SELENOV: variants seen among roughly 807,000 people sequenced by gnomAD.
SELENOV encodes the protein selenoprotein V.
Under a neutral mutation model 21.6 loss-of-function variants are expected in SELENOV, and 25 were observed. The ratio of observed to expected loss-of-function variants is 1.16; its 90% CI spans 0.84 to 1.62. The LOEUF (loss-of-function observed/expected upper bound fraction) is 1.62. SELENOV is among the 40% of genes most tolerant of loss of function. The probability of loss-of-function intolerance (pLI) is 0.00; values close to 1 mark genes in which losing one functional copy is unlikely to be tolerated. For missense variants in SELENOV, 472 were observed against 459.0 expected (o/e 1.03, Z -0.26); for synonymous variants, 227 against 216.9 (o/e 1.05, Z -0.41).
At position 39,515,928 on chromosome 19, in the gene SELENOV, C is replaced by A. The variant is rs1237642453; in HGVS notation, c.716C>A (p.Ser239Ter). 3 of 1,605,174 alleles carry A rather than the reference C, an allele frequency of 1.9e-6. No individual in the cohort carries two copies. Among genetic ancestry groups the A allele is most frequent in the Middle Eastern group, 3.3e-4 (2 of 6,050 alleles). Reference sequence around the variant, plus strand: ...TCGCCCATCCTGGGGACCATCCCGTCGGCCATCTCCTTACAGAATTGTACG... The same window carrying A: ...TCGCCCATCCTGGGGACCATCCCGTAGGCCATCTCCTTACAGAATTGTACG... The change falls in exon 1 of 6, where the codon TCG becomes TAG. Residue 239 changes from serine to a stop codon, truncating the protein, a stop_gained. Coordinates refer to ENST00000335426, the Ensembl canonical transcript of SELENOV. LOFTEE classifies it high-confidence loss of function. The surrounding 1 kb of genome is among the most constrained non-coding windows in gnomAD (Gnocchi z 5.1).
In SELENOV at chr19:39,515,339, A is replaced by T; in HGVS notation, c.127A>T (p.Ile43Phe). The change falls in exon 1 of 6, where the codon ATC becomes TTC. Residue 43 changes from isoleucine (I) to phenylalanine (F), a missense_variant. Coordinates refer to ENST00000335426, the Ensembl canonical transcript of SELENOV. The surrounding 1 kb of genome is among the most constrained non-coding windows in gnomAD (Gnocchi z 5.1). ...GACTCCGGTCCGGACTCGGACCCCC[A>T]TCCGGACCCTGACTCCAGTCCTGAC... 1 of 1,550,654 alleles carries T rather than the reference A, an allele frequency of 6.4e-7. No individual in the cohort carries two copies.
chr19:39,515,595 C>A lies in SELENOV; in HGVS notation c.383C>A (p.Ala128Asp). 1 of 1,548,986 alleles carries A rather than the reference C, an allele frequency of 6.5e-7. No individual in the cohort carries two copies. Among genetic ancestry groups the A allele is most frequent in the East Asian group, 2.4e-5 (1 of 40,916 alleles). The change falls in exon 1 of 6, where the codon GCC becomes GAC. Residue 128 changes from alanine to aspartate, a missense_variant. Physicochemically the swap from Ala to Asp is moderately radical, Grantham distance 126. Transcript: ENST00000335426. The surrounding 1 kb of genome is among the most constrained non-coding windows in gnomAD (Gnocchi z 5.1). ...GTCCGGGTCCCAGCCCCAGCCCCAGCCCAGCTCCTGGCAGGGATTCGGGCC... is the reference window on the plus strand; with the variant it reads ...GTCCGGGTCCCAGCCCCAGCCCCAGACCAGCTCCTGGCAGGGATTCGGGCC...
chr19:39,517,817 A>C (rs921996992), intron 1 of SELENOV, among the ~76,000 whole-genome samples: 1 of 151,622 alleles, frequency 6.6e-6, no homozygotes, highest in African/African-American at 2.4e-5. Flanking sequence ...TTCAAAAATT[A>C]GCTGGGTGTG....
Position 39,515,902 on chromosome 19 carries a change from C to T in SELENOV, c.690C>T (p.Pro230=), listed in dbSNP as rs776602319. 1.3e-6 allele frequency: 2 copies of T among 1,587,628 alleles called. No homozygotes were observed. Among genetic ancestry groups the T allele is most frequent in the South Asian group, 2.3e-5 (2 of 86,836 alleles). ...ATCCCCCCATTCCCAGTCCTGTCCC[C>T]TCGCCCATCCTGGGGACCATCCCGT... Residue 230 remains proline, a synonymous_variant, in exon 1 of 6, where the codon CCC becomes CCT. Coordinates refer to ENST00000335426, the Ensembl canonical transcript of SELENOV. This position sits in a 1 kb window ranked among gnomAD's most constrained non-coding sequence, Gnocchi z 5.1.
chr19:39,518,056 A>AGG (rs1357781739), intron 1 of SELENOV, among the ~76,000 whole-genome samples: 1 of 143,986 alleles, frequency 6.9e-6, no homozygotes, highest in Non-Finnish European at 1.5e-5. Flanking sequence ...GTGGATCACG[A>AGG]GGTCAGGAAA....
chr19:39,518,767 C>T lies in SELENOV; in HGVS notation c.862C>T (p.Gln288Ter), dbSNP rs377315968. The change falls in exon 3 of 6, where the codon CAG becomes TAG. Residue 288 changes from glutamine to a stop codon, truncating the protein, a stop_gained. Coordinates refer to ENST00000335426, the Ensembl canonical transcript of SELENOV. LOFTEE classifies it high-confidence loss of function. ...CATTCTACTGAAAAAGAGCCTGGAG[C>T]AGCAATTTCCGAATCACCTACTCTT... is the stretch of plus-strand genomic sequence containing the variant. 295 of 1,613,878 alleles carry T rather than the reference C, an allele frequency of 1.8e-4. 3 individuals carry two copies. In the East Asian group the frequency reaches 5.7e-3, roughly 31 times the overall value.
exon 2 of SELENOV, chr19:39,518,608 T>C (rs781066320): frequency 6.2e-7 from 1 of 1,602,544 alleles, no homozygotes; most frequent in Non-Finnish European, 8.5e-7. Context: ...TGGCCTCCAG[T>C]GGCCTCTGAA....
intron 1 of SELENOV, 78 bp from the exon 2 acceptor site, chr19:39,518,530 C>T: frequency 1.4e-6 from 2 of 1,431,880 alleles, no homozygotes; most frequent in Non-Finnish European, 9.6e-7. Flanking sequence ...CATAGGGTGC[C>T]CTGAGCTGGG....
chr19:39,515,672 C>A lies in SELENOV; in HGVS notation c.460C>A (p.Pro154Thr). ...GGCCCCGGCCCTACCTTTGGATCCG[C>A]CCCCGGAACCTGCTCCGGAGCTGCC... The change falls in exon 1 of 6, where the codon CCC (proline) becomes ACC (threonine). Residue 154 changes from proline (P) to threonine (T), a missense_variant. Transcript: ENST00000335426. This position sits in a 1 kb window ranked among gnomAD's most constrained non-coding sequence, Gnocchi z 5.1. 1 of 1,548,548 alleles carries A rather than the reference C, an allele frequency of 6.5e-7. No homozygotes were observed. Among genetic ancestry groups the A allele is most frequent in the Non-Finnish European group, 8.7e-7 (1 of 1,146,774 alleles).
chr19:39,519,881 C>T (rs904169650), intron 5 of SELENOV, among the ~76,000 whole-genome samples: 3 of 143,276 alleles, frequency 2.1e-5, no homozygotes, highest in African/African-American at 7.8e-5. Context: ...AGGAGAATGG[C>T]GTGAACCTGA....
At chr19:39,518,163 A>T (rs916214099) in intron 1 of SELENOV, among the ~76,000 whole-genome samples, 2 of 149,950 alleles carry the variant, frequency 1.3e-5, no homozygotes, top group South Asian at 2.1e-4. Context: ...CCCAGCTACT[A>T]GGGAGGCTGA....
At chr19:39,518,480 G>A (rs960452844) in intron 1 of SELENOV, 128 bp from the exon 2 acceptor site, 15 of 943,532 alleles carry the variant, frequency 1.6e-5, no homozygotes, top group South Asian at 4.4e-5. Flanking sequence ...ACTACTTCGG[G>A]ATTCTGAACA....
intron 1 of SELENOV, 45 bp downstream of exon 1, chr19:39,516,066 C>A: frequency 1.3e-6 from 2 of 1,514,368 alleles, no homozygotes; most frequent in South Asian, 1.2e-5. Flanking sequence ...GGGACAGGGC[C>A]GGCAGTGGGG....
At position 39,517,991 on chromosome 19, in the gene SELENOV, A is replaced by AAAAAAAAAAAAAAAAAAAAAAG. The variant is rs374863818; in HGVS notation, c.810-617_810-616insAAAAAAAAAAAAAAAAAAAAAG. The stretch of plus-strand genomic sequence containing the variant: ...AAAAAAAAAAAAAAAAAAAAAAAAA[A>AAAAAAAAAAAAAAAAAAAAAAG]GCCCAGCGCGGTGGCTCACGCCTGT... On this transcript the variant is annotated intron_variant, in intron 1 of 5. Transcript: ENST00000335426. Among the ~76,000 whole-genome samples the AAAAAAAAAAAAAAAAAAAAAAG allele has an allele frequency of 2.6e-4, 24 of 92,082 alleles. 4 individuals are homozygous for AAAAAAAAAAAAAAAAAAAAAAG. The highest frequency in any genetic ancestry group is 4.7e-4 in the Non-Finnish European group (21 of 44,900). The allele number at this position is 92,082 out of a possible 152,430, so 60.4% of individuals were successfully genotyped here.
At chr19:39,516,271 C>G (rs1360874561) in intron 1 of SELENOV, 2 of 662,096 alleles carry the variant, frequency 3.0e-6, no homozygotes, top group African/African-American at 3.5e-5. Context: ...GCCCCGCGGG[C>G]CAAGTGCCAG....
At chr19:39,516,492 C>G (rs1019392782) in intron 1 of SELENOV, among the ~76,000 whole-genome samples, 3 of 151,928 alleles carry the variant, frequency 2.0e-5, no homozygotes, top group Non-Finnish European at 4.4e-5. Context: ...CTCCCACTCT[C>G]TGTCTCTCTG....
chr19:39,515,268 T>G lies in SELENOV; in HGVS notation c.56T>G (p.Val19Gly). 1 of 1,550,452 alleles carries G rather than the reference T, an allele frequency of 6.4e-7. No individual in the cohort carries two copies. The highest frequency in any genetic ancestry group is 8.7e-7 in the Non-Finnish European group (1 of 1,146,774). ...TCCTCGGCGCGGACTTCAACCTCAG[T>G]CCGGGCTTCTACCCCGACCCGGACA... The change falls in exon 1 of 6, where the codon GTC becomes GGC. Residue 19 changes from valine to glycine, a missense_variant. Transcript: ENST00000335426. The surrounding 1 kb of genome is among the most constrained non-coding windows in gnomAD (Gnocchi z 5.1).
intron 1 of SELENOV, among the ~76,000 whole-genome samples, chr19:39,517,033 G>A (rs2011216130): frequency 6.6e-6 from 1 of 150,994 alleles, no homozygotes; most frequent in Admixed American, 6.6e-5. Context: ...ATGGGGTCGG[G>A]GATGGGGTGC....
intron 5 of SELENOV, among the ~76,000 whole-genome samples, chr19:39,519,722 T>C (rs112540254): frequency 0.017 from 2,579 of 150,646 alleles, 77 homozygotes; most frequent in African/African-American, 0.059. Context: ...TCCCAGCACT[T>C]TGGGAGGCCG....
Sources: gnomAD v4.1 joint callset for allele counts (sites outside exome capture counted in the v4.1 genomes callset) on GRCh38, gnomAD v4.1.1 for gene constraint, Gnocchi (gnomAD v3.1) non-coding constraint, MANE v1.5 for transcripts, NCBI Gene and HGNC (gene_info 2026-07-23, HGNC 2026-07-21) for gene names.